SPECC1: variants seen among roughly 807,000 people sequenced by gnomAD.
SPECC1 encodes the protein cytospin-B.
SPECC1 carries 62 observed loss-of-function variants against 104.1 expected under a neutral mutation model. That is an observed-to-expected ratio of 0.60 (90% CI 0.49 to 0.74). The LOEUF (loss-of-function observed/expected upper bound fraction) is 0.74, where lower values mean the gene tolerates loss of function less well. Ranked by LOEUF, SPECC1 falls within the 30% of genes least tolerant of loss-of-function variation. The pLI, the probability that SPECC1 is intolerant of heterozygous loss-of-function variation, is 0.00. For missense variants in SPECC1, 1,306 were observed against 1,310.5 expected, an observed-to-expected ratio of 1.00 and a Z score of 0.05; for synonymous variants, 513 against 501.6, an observed-to-expected ratio of 1.02 and a Z score of -0.30.
chr17:20,180,504 C>CGG (rs2034804394), intron 3 of SPECC1, among the ~76,000 whole-genome samples: 1 of 152,170 alleles, frequency 6.6e-6, no homozygotes. Context: ...ACATATTCTA[C>CGG]TAAGAGATGC....
At chr17:20,178,118 T>C (rs1166165552) in intron 3 of SPECC1, among the ~76,000 whole-genome samples, 1 of 151,952 alleles carries the variant, frequency 6.6e-6, no homozygotes, top group East Asian at 1.9e-4. Context: ...CTTCTCAGGC[T>C]CAAGCAATCC....
chr17:20,228,786 A>G (rs1158533487), intron 5 of SPECC1, among the ~76,000 whole-genome samples: 1 of 152,226 alleles, frequency 6.6e-6, no homozygotes, highest in Non-Finnish European at 1.5e-5. Flanking sequence ...TTTTTAAAAG[A>G]GATTAAACAT....
At chr17:20,222,228 G>A (rs1053613161) in intron 4 of SPECC1, among the ~76,000 whole-genome samples, 9 of 152,098 alleles carry the variant, frequency 5.9e-5, no homozygotes, top group Non-Finnish European at 1.2e-4. Context: ...AGCTACTTGG[G>A]AGACTGAGAC....
chr17:20,167,526 A>G (rs1462873613), intron 3 of SPECC1, among the ~76,000 whole-genome samples: 1 of 152,106 alleles, frequency 6.6e-6, no homozygotes, highest in African/African-American at 2.4e-5. Flanking sequence ...TAAAAACACA[A>G]AATTAGACGG....
At chr17:20,052,905 A>G (rs1032200329) in intron 1 of SPECC1, among the ~76,000 whole-genome samples, 1 of 152,328 alleles carries the variant, frequency 6.6e-6, no homozygotes, top group Non-Finnish European at 1.5e-5. Context: ...TATTCCTAAC[A>G]CACACAGTTT....
chr17:20,297,009 T>C lies in SPECC1; in HGVS notation c.2989T>C (p.Phe997Leu). The C allele has an allele frequency of 6.2e-7, 1 of 1,614,234 alleles. No individual in the cohort carries two copies. Among genetic ancestry groups the C allele is most frequent in the Non-Finnish European group, 8.5e-7 (1 of 1,180,044 alleles). ...CAGCAGCTGGAGCGATGGCCTGGCC[T>C]TCTGTGCTCTGCTCCACACCTACCT... is the stretch of plus-strand genomic sequence containing the variant. ...FSSSWSDGLA[F>L]CALLHTYLPA... Residue 997 changes from phenylalanine (F) to leucine (L), a missense_variant, in exon 13 of 15, where the codon TTC becomes CTC. Phe to Leu is a conservative substitution (Grantham distance 22, BLOSUM62 0). Around this residue, in one of 2 missense-constraint regions of SPECC1, gnomAD observed 129 missense variants for 170.6 expected, o/e 0.76. Coordinates refer to ENST00000395527, the MANE Select transcript of SPECC1 (RefSeq NM_001243439.2).
intron 12 of SPECC1, among the ~76,000 whole-genome samples, chr17:20,263,228 G>A (rs1180449476): frequency 2.0e-5 from 3 of 149,566 alleles, no homozygotes; most frequent in Non-Finnish European, 4.5e-5. Context: ...CAATAGCTAT[G>A]ACTTCTTATT....
chr17:20,250,723 G>T (rs1215867131), intron 9 of SPECC1, among the ~76,000 whole-genome samples: 1 of 152,172 alleles, frequency 6.6e-6, no homozygotes, highest in East Asian at 1.9e-4. Context: ...GCATAGCTTT[G>T]ATCCCTAATA....
At chr17:20,072,562 G>C (rs2046596278) in intron 1 of SPECC1, among the ~76,000 whole-genome samples, 1 of 152,238 alleles carries the variant, frequency 6.6e-6, no homozygotes, top group South Asian at 2.1e-4. Context: ...CAGCAGCCTT[G>C]GCCAGGTGGG....
chr17:20,043,753 G>A (rs2045425426), intron 1 of SPECC1, among the ~76,000 whole-genome samples: 1 of 152,144 alleles, frequency 6.6e-6, no homozygotes, highest in African/African-American at 2.4e-5. Context: ...AGTAAGGAAT[G>A]GTATTTAGAA....
chr17:20,123,582 A>G (rs2049142983), intron 3 of SPECC1, among the ~76,000 whole-genome samples: 1 of 152,200 alleles, frequency 6.6e-6, no homozygotes, highest in Non-Finnish European at 1.5e-5. Flanking sequence ...TCTAACATGG[A>G]AGGTAAGTAT....
chr17:20,253,189 C>G (rs554075654), intron 9 of SPECC1, among the ~76,000 whole-genome samples: 3 of 152,210 alleles, frequency 2.0e-5, no homozygotes, highest in Admixed American at 6.5e-5. Context: ...TACACACATC[C>G]TTGAATATAC....
At chr17:20,265,000 T>C (rs1175054692) in intron 12 of SPECC1, among the ~76,000 whole-genome samples, 1 of 152,240 alleles carries the variant, frequency 6.6e-6, no homozygotes, top group Non-Finnish European at 1.5e-5. Flanking sequence ...TGGTGTATAT[T>C]TACCACATTT....
intron 12 of SPECC1, among the ~76,000 whole-genome samples, chr17:20,282,798 C>T: frequency 6.6e-6 from 1 of 152,150 alleles, no homozygotes; most frequent in African/African-American, 2.4e-5. Context: ...AGGAGGTCTG[C>T]ATTTTTTTAA....
At chr17:20,151,532 G>A (rs117903590) in intron 3 of SPECC1, among the ~76,000 whole-genome samples, 3,587 of 152,212 alleles carry the variant, frequency 0.024, 65 homozygotes, top group Non-Finnish European at 0.038. Context: ...CATCACAGGC[G>A]TCTTTGACAT....
chr17:20,073,199 C>T (rs140460939), intron 1 of SPECC1, among the ~76,000 whole-genome samples: 150 of 152,302 alleles, frequency 9.8e-4, no homozygotes, highest in African/African-American at 2.6e-3. Context: ...TGTAGCCCGA[C>T]TTCCCCTTCC....
At chr17:20,122,642 C>T (rs964375455) in intron 3 of SPECC1, among the ~76,000 whole-genome samples, 5 of 152,184 alleles carry the variant, frequency 3.3e-5, no homozygotes, top group Non-Finnish European at 5.9e-5. Flanking sequence ...CTTCCCATTC[C>T]CCTTCCCTCA....
intron 1 of SPECC1, among the ~76,000 whole-genome samples, chr17:20,072,451 G>A (rs1485764751): frequency 2.0e-5 from 3 of 152,350 alleles, no homozygotes; most frequent in East Asian, 3.9e-4. Context: ...GACCCTGTAT[G>A]CCCCTTGCCC....
chr17:20,122,744 G>GC (rs2049099753), intron 3 of SPECC1, among the ~76,000 whole-genome samples: 1 of 152,108 alleles, frequency 6.6e-6, no homozygotes, highest in African/African-American at 2.4e-5. Context: ...TTGTCCTTTT[G>GC]CAACCGGCTT....
Sources: allele counts gnomAD v4.1 joint callset (sites outside exome capture counted in the v4.1 genomes callset), GRCh38; gene constraint gnomAD v4.1.1; regional missense constraint gnomAD v4.1.1; transcripts MANE v1.5; gene names NCBI Gene and HGNC (gene_info 2026-07-23, HGNC 2026-07-21).